Variants in RASAL2 observed in about 807,000 individuals in gnomAD.
RASAL2 encodes RAS protein activator like 2, also known as ras GTPase-activating protein nGAP.
A neutral mutation model predicts 128.9 loss-of-function variants in RASAL2; 58 were observed. The ratio of observed to expected loss-of-function variants is 0.45; its 90% CI spans 0.36 to 0.56. RASAL2 has a LOEUF of 0.56. Among genes scored for constraint, RASAL2 ranks in the 20% least tolerant of loss-of-function variants. The pLI is 0.00. For missense variants in RASAL2, 1,360 were observed against 1,601.6 expected (o/e 0.85, Z 2.57); for synonymous variants, 561 against 580.8 (o/e 0.97, Z 0.49).
At chr1:178,174,849 A>T (rs890245306) in intron 1 of RASAL2, among the ~76,000 whole-genome samples, 3 of 152,190 alleles carry the variant, frequency 2.0e-5, no homozygotes, top group Non-Finnish European at 4.4e-5. Context: ...GCTTTAAAAA[A>T]TAATCATCCT....
At chr1:178,349,888 C>T (rs1259113460) in intron 3 of RASAL2, among the ~76,000 whole-genome samples, 2 of 152,090 alleles carry the variant, frequency 1.3e-5, no homozygotes, top group African/African-American at 4.8e-5. Context: ...TCCAATACAA[C>T]AAATGGAAGA....
intron 1 of RASAL2, among the ~76,000 whole-genome samples, chr1:178,117,172 A>G (rs576215365): frequency 7.9e-5 from 12 of 152,316 alleles, no homozygotes; most frequent in Non-Finnish European, 1.5e-4. Flanking sequence ...ATATTCCCTT[A>G]TACTTTCTCT....
At chr1:178,252,608 T>C (rs935583964) in intron 1 of RASAL2, among the ~76,000 whole-genome samples, 1 of 152,156 alleles carries the variant, frequency 6.6e-6, no homozygotes. Context: ...AGAAATGAAA[T>C]AGAAATGAAA....
chr1:178,436,891 T>C (rs927636611), intron 5 of RASAL2, among the ~76,000 whole-genome samples: 3 of 152,022 alleles, frequency 2.0e-5, no homozygotes, highest in Admixed American at 6.6e-5. Context: ...AATAAGAGAT[T>C]ATCTCCCACT....
intron 3 of RASAL2, among the ~76,000 whole-genome samples, chr1:178,308,925 A>G (rs1308384458): frequency 6.6e-6 from 1 of 152,168 alleles, no homozygotes; most frequent in African/African-American, 2.4e-5. Flanking sequence ...AATCTTCTGT[A>G]GAACTACTGG....
chr1:178,296,296 T>C (rs985835940), intron 2 of RASAL2, among the ~76,000 whole-genome samples: 1 of 152,148 alleles, frequency 6.6e-6, no homozygotes. Context: ...ACATCTTAGA[T>C]ACCTGAGATA....
chr1:178,295,721 G>A (rs1667468435), intron 2 of RASAL2, among the ~76,000 whole-genome samples: 2 of 152,158 alleles, frequency 1.3e-5, no homozygotes, highest in South Asian at 4.1e-4. Flanking sequence ...TTTCTAATAA[G>A]TTCCTGGGTT....
chr1:178,104,241 G>T (rs933490468), intron 1 of RASAL2, among the ~76,000 whole-genome samples: 1 of 151,902 alleles, frequency 6.6e-6, no homozygotes, highest in Admixed American at 6.6e-5. Flanking sequence ...CAGCTTTTTC[G>T]CACTGATTTA....
chr1:178,467,034 T>G (rs1226703155), intron 16 of RASAL2, among the ~76,000 whole-genome samples: 1 of 152,154 alleles, frequency 6.6e-6, no homozygotes, highest in Non-Finnish European at 1.5e-5. Flanking sequence ...GGTTGTTTGT[T>G]TTTTGTTGGT....
intron 1 of RASAL2, among the ~76,000 whole-genome samples, chr1:178,226,977 C>T (rs186282443): frequency 6.6e-6 from 1 of 152,252 alleles, no homozygotes; most frequent in Non-Finnish European, 1.5e-5. Flanking sequence ...AACCCCACAA[C>T]TGTATCCAGC....
At chr1:178,392,593 G>A (rs1672980255) in intron 4 of RASAL2, among the ~76,000 whole-genome samples, 1 of 152,172 alleles carries the variant, frequency 6.6e-6, no homozygotes, top group African/African-American at 2.4e-5. Context: ...CATGAATACT[G>A]TGAAATATGG....
At chr1:178,233,309 A>G (rs1466701726) in intron 1 of RASAL2, among the ~76,000 whole-genome samples, 1 of 152,224 alleles carries the variant, frequency 6.6e-6, no homozygotes, top group African/African-American at 2.4e-5. Flanking sequence ...TCTTTAAGAA[A>G]CAAACATCAC....
intron 1 of RASAL2, among the ~76,000 whole-genome samples, chr1:178,112,804 A>T (rs61813783): frequency 6.7e-6 from 1 of 150,298 alleles, no homozygotes; most frequent in African/African-American, 2.4e-5. Flanking sequence ...GATATACCTA[A>T]TGCTAGATGA....
At chr1:178,433,917 CAA>C (rs961906192) in intron 5 of RASAL2, among the ~76,000 whole-genome samples, 1 of 140,872 alleles carries the variant, frequency 7.1e-6, no homozygotes. Context: ...AACTATGTCT[CAA>C]AAAAAAAAAA....
chr1:178,415,327 A>G (rs1304578416), intron 4 of RASAL2, among the ~76,000 whole-genome samples: 1 of 151,986 alleles, frequency 6.6e-6, no homozygotes. Flanking sequence ...TCTTTGATCC[A>G]TGTGTTGTTC....
At position 178,311,810 on chromosome 1, in the gene RASAL2, C is replaced by CT. The variant is rs372093693; in HGVS notation, c.457+11693dup. Among the ~76,000 whole-genome samples the CT allele has an allele frequency of 3.7e-3, 561 of 149,902 alleles. 3 individuals are homozygous for CT. The highest frequency in any genetic ancestry group is 0.013 in the African/African-American group (525 of 40,668). Reference sequence around the variant, plus strand: ...TGAAGAAAAGCCTGAAAGAGAGAGACTAAAACATACAAAAAAAGAAGAAGA... The same window carrying CT: ...TGAAGAAAAGCCTGAAAGAGAGAGACTTAAAACATACAAAAAAAGAAGAAGA... On this transcript the variant is annotated intron_variant, in intron 3 of 17. Transcript: ENST00000367649.
At chr1:178,246,571 C>A (rs1383010347) in intron 1 of RASAL2, among the ~76,000 whole-genome samples, 4 of 152,120 alleles carry the variant, frequency 2.6e-5, no homozygotes, top group Admixed American at 2.6e-4. Flanking sequence ...CTTTCTCTTG[C>A]CTGATGCTCT....
At chr1:178,292,665 T>A (rs879682717) in intron 2 of RASAL2, among the ~76,000 whole-genome samples, 3 of 149,230 alleles carry the variant, frequency 2.0e-5, no homozygotes, top group Admixed American at 1.3e-4. Flanking sequence ...GCCATTTGAC[T>A]TTCATTTTGC....
At chr1:178,400,476 A>C (rs1673549562) in intron 4 of RASAL2, among the ~76,000 whole-genome samples, 1 of 152,064 alleles carries the variant, frequency 6.6e-6, no homozygotes, top group African/African-American at 2.4e-5. Context: ...TATAGCACCG[A>C]CACTATTATA....
Sources: allele counts gnomAD v4.1 joint callset (sites outside exome capture counted in the v4.1 genomes callset), GRCh38; gene constraint gnomAD v4.1.1; transcripts MANE v1.5; gene names NCBI Gene and HGNC (gene_info 2026-07-23, HGNC 2026-07-21).